TWSG1: variants seen among roughly 807,000 people sequenced by gnomAD.
The protein encoded by TWSG1 is twisted gastrulation protein homolog 1.
TWSG1 carries 15 observed loss-of-function variants against 23.0 expected under a neutral mutation model. That is an observed-to-expected ratio of 0.65 (90% CI 0.44 to 1.00). The LOEUF is 1.00. Ranked by LOEUF, TWSG1 falls within the 50% of genes least tolerant of loss-of-function variation. The probability of loss-of-function intolerance (pLI) is 0.00; values close to 1 mark genes in which losing one functional copy is unlikely to be tolerated. For synonymous variants in TWSG1, 86 were observed against 92.8 expected, an observed-to-expected ratio of 0.93 and a Z score of 0.42; for missense variants, 242 against 278.7, an observed-to-expected ratio of 0.87 and a Z score of 0.94.
chr18:9,359,495 C>T (rs1378719329), intron 2 of TWSG1, among the ~76,000 whole-genome samples: 2 of 152,152 alleles, frequency 1.3e-5, no homozygotes, highest in African/African-American at 4.8e-5. Flanking sequence ...TAATTGCCAC[C>T]TTCTTTGTAA....
chr18:9,390,199 C>T (rs536412958), intron 3 of TWSG1, among the ~76,000 whole-genome samples: 6 of 151,502 alleles, frequency 4.0e-5, no homozygotes, highest in East Asian at 3.9e-4. Context: ...CTCGCTCTGT[C>T]GCCCAGGCTA....
At chr18:9,336,465 A>G (rs1166492230) in intron 1 of TWSG1, among the ~76,000 whole-genome samples, 1 of 152,158 alleles carries the variant, frequency 6.6e-6, no homozygotes, top group Admixed American at 6.5e-5. Context: ...TAGTAATTAA[A>G]CAGCCTTTTG....
At chr18:9,373,453 G>A (rs2040615446) in intron 3 of TWSG1, among the ~76,000 whole-genome samples, 1 of 152,142 alleles carries the variant, frequency 6.6e-6, no homozygotes. Flanking sequence ...AGAATTACTT[G>A]AGCCTGAGAG....
intron 3 of TWSG1, among the ~76,000 whole-genome samples, chr18:9,395,851 GC>G (rs1244343172): frequency 6.6e-6 from 1 of 152,208 alleles, no homozygotes; most frequent in East Asian, 1.9e-4. Context: ...ATAGGCGTGA[GC>G]CACTGCGCTC....
At chr18:9,349,059 C>T (rs920787691) in intron 2 of TWSG1, among the ~76,000 whole-genome samples, 4 of 152,080 alleles carry the variant, frequency 2.6e-5, no homozygotes, top group Non-Finnish European at 4.4e-5. Context: ...GGAAAGAAAT[C>T]TAACTTTAAA....
chr18:9,399,581 A>G lies in TWSG1; in HGVS notation c.*54A>G, dbSNP rs1353148031. 1 of 1,460,396 alleles carries G rather than the reference A, an allele frequency of 6.8e-7. No homozygotes were observed. Among genetic ancestry groups the G allele is most frequent in the Non-Finnish European group, 9.2e-7 (1 of 1,087,806 alleles). The allele number at this position is 1,460,396 out of a possible 1,614,324, so 90.5% of individuals were successfully genotyped here. On this transcript the variant is annotated 3_prime_UTR_variant, in exon 5 of 5. Coordinates refer to ENST00000262120, the MANE Select transcript of TWSG1 (RefSeq NM_020648.6). ...AGTAAAATAATAGGTATAAAAAGTT[A>G]TTCTGTAAGTCTGTTGGTTGTATCT...
At chr18:9,364,689 G>A (rs546783368) in intron 3 of TWSG1, among the ~76,000 whole-genome samples, 44 of 152,174 alleles carry the variant, frequency 2.9e-4, no homozygotes, top group Non-Finnish European at 1.2e-4. Context: ...AGCGACAAGG[G>A]AGGCTGAGGC....
chr18:9,366,001 G>T (rs911027774), intron 3 of TWSG1, among the ~76,000 whole-genome samples: 5 of 152,034 alleles, frequency 3.3e-5, no homozygotes, highest in Non-Finnish European at 7.4e-5. Flanking sequence ...TCAAGACCCT[G>T]TTTCAAAAAA....
intron 2 of TWSG1, among the ~76,000 whole-genome samples, chr18:9,342,816 TC>T: frequency 6.6e-6 from 1 of 152,292 alleles, no homozygotes; most frequent in Non-Finnish European, 1.5e-5. Context: ...TCAAGTAACT[TC>T]CTAAGAAAGC....
At chr18:9,360,713 TATC>T (rs1447971091) in intron 3 of TWSG1, among the ~76,000 whole-genome samples, 1 of 152,212 alleles carries the variant, frequency 6.6e-6, no homozygotes, top group African/African-American at 2.4e-5. Flanking sequence ...AGAACAGGAA[TATC>T]ATCATATTGA....
intron 4 of TWSG1, 100 bp from the exon 5 acceptor site, chr18:9,399,246 C>T: frequency 1.3e-6 from 1 of 746,634 alleles, no homozygotes; most frequent in Non-Finnish European, 2.1e-6. Flanking sequence ...AATAAGAGAA[C>T]CAAGATAAAT....
At chr18:9,346,353 A>G (rs1024247697) in intron 2 of TWSG1, among the ~76,000 whole-genome samples, 4 of 152,174 alleles carry the variant, frequency 2.6e-5, no homozygotes, top group African/African-American at 7.2e-5. Flanking sequence ...TTATTACCTA[A>G]TAATATCCCA....
At chr18:9,369,291 CAG>C (rs1568035808) in intron 3 of TWSG1, among the ~76,000 whole-genome samples, 2 of 152,086 alleles carry the variant, frequency 1.3e-5, no homozygotes, top group African/African-American at 4.8e-5. Flanking sequence ...TCTTTTGAGT[CAG>C]AGTCTTGCTC....
At chr18:9,387,565 G>A (rs981813933) in intron 3 of TWSG1, among the ~76,000 whole-genome samples, 3 of 151,778 alleles carry the variant, frequency 2.0e-5, no homozygotes, top group African/African-American at 4.8e-5. Context: ...AGGAGTTTGA[G>A]ACCAGCCTAG....
chr18:9,360,860 T>C (rs1036088278), intron 3 of TWSG1, among the ~76,000 whole-genome samples: 6 of 152,236 alleles, frequency 3.9e-5, no homozygotes, highest in Non-Finnish European at 7.3e-5. Flanking sequence ...TTTCAACTTT[T>C]CAGCGTTGCA....
At chr18:9,383,194 G>T (rs58594122) in intron 3 of TWSG1, among the ~76,000 whole-genome samples, 4,581 of 78,924 alleles carry the variant, frequency 0.058, 299 homozygotes, top group African/African-American at 0.2. Flanking sequence ...TTTTTTTTTT[G>T]TTTTTTTTTT....
chr18:9,365,502 A>G (rs777439982), intron 3 of TWSG1, among the ~76,000 whole-genome samples: 1 of 151,934 alleles, frequency 6.6e-6, no homozygotes, highest in Non-Finnish European at 1.5e-5. Context: ...CCCCGTCTCT[A>G]CAAAAAATAA....
chr18:9,363,357 T>C (rs62087471), intron 3 of TWSG1, among the ~76,000 whole-genome samples: 4,280 of 152,062 alleles, frequency 0.028, 72 homozygotes, highest in Non-Finnish European at 0.039. Context: ...CTTTTCCAAA[T>C]GTGCACAAAA....
At chr18:9,385,139 C>T (rs1053875300) in intron 3 of TWSG1, among the ~76,000 whole-genome samples, 2 of 152,150 alleles carry the variant, frequency 1.3e-5, no homozygotes, top group African/African-American at 4.8e-5. Context: ...GTCTGTAGAA[C>T]AGCTGTATGA....
Sources: allele counts gnomAD v4.1 joint callset (sites outside exome capture counted in the v4.1 genomes callset), GRCh38; gene constraint gnomAD v4.1.1; transcripts MANE v1.5; gene names NCBI Gene and HGNC (gene_info 2026-07-23, HGNC 2026-07-21).